PTPRB: variants seen among roughly 807,000 people sequenced by gnomAD.
The protein encoded by PTPRB is receptor-type tyrosine-protein phosphatase beta.
Under a neutral mutation model 238.1 loss-of-function variants are expected in PTPRB, and 97 were observed. That is an observed-to-expected ratio of 0.41 (90% confidence interval 0.35 to 0.48). PTPRB has a LOEUF of 0.48. Among genes scored for constraint, PTPRB ranks in the 20% least tolerant of loss-of-function variants. PTPRB has a pLI of 0.30. For synonymous variants in PTPRB, 970 were observed against 995.4 expected (o/e 0.97, Z 0.48); for missense variants, 2,292 against 2,681.9 (o/e 0.85, Z 3.21).
chr12:70,589,183 TGAG>T lies in PTPRB; in HGVS notation c.2050+778_2050+780del, dbSNP rs1291787492. 3.3e-5 allele frequency among the ~76,000 whole-genome samples: 5 copies of T among 152,176 alleles called. No individual in the cohort carries two copies. In the East Asian group the frequency reaches 7.7e-4, roughly 23 times the overall value. On this transcript the variant is annotated intron_variant, in intron 8 of 33. Transcript: ENST00000334414. ...CCAGTGGATATTAATATTTGGAAGATGAGGAGATTACTGCAAGACACATTGGCA... is the reference window on the plus strand; with the variant it reads ...CCAGTGGATATTAATATTTGGAAGATGAGATTACTGCAAGACACATTGGCA...
At chr12:70,549,740 T>C (rs1230179584) in intron 21 of PTPRB, among the ~76,000 whole-genome samples, 1 of 152,208 alleles carries the variant, frequency 6.6e-6, no homozygotes. Context: ...TTCTCTGATG[T>C]GCTTTGGGAG....
intron 26 of PTPRB, 144 bp from the exon 27 acceptor site, chr12:70,539,158 C>G: frequency 1.5e-6 from 1 of 679,466 alleles, no homozygotes; most frequent in Non-Finnish European, 2.6e-6. Flanking sequence ...TGCATTAGCC[C>G]TGATCCCCAC....
At chr12:70,554,838 T>A (rs575150813) in intron 20 of PTPRB, among the ~76,000 whole-genome samples, 1 of 152,316 alleles carries the variant, frequency 6.6e-6, no homozygotes, top group African/African-American at 2.4e-5. Flanking sequence ...AATAAGGCAT[T>A]ACATGCAATG....
chr12:70,540,103 G>A, intron 23 of PTPRB, 81 bp from the exon 24 acceptor site: 1 of 1,204,190 alleles, frequency 8.3e-7, no homozygotes. Context: ...TAAGGCTGTG[G>A]ATGTTTGTGC....
intron 32 of PTPRB, among the ~76,000 whole-genome samples, chr12:70,529,649 ATAATAAT>A (rs1365643274): frequency 6.6e-6 from 1 of 152,078 alleles, no homozygotes; most frequent in Non-Finnish European, 1.5e-5. Context: ...AATAAGAAGG[ATAATAAT>A]TAATAATTAT....
chr12:70,536,201 C>T (rs1253655773), intron 28 of PTPRB, 42 bp from the exon 29 acceptor site: 6 of 1,584,078 alleles, frequency 3.8e-6, no homozygotes, highest in Non-Finnish European at 5.2e-6. Context: ...AACAATGGGC[C>T]TCTTCAGAAC....
intron 27 of PTPRB, chr12:70,538,650 C>T (rs1371426221): frequency 1.8e-5 from 9 of 508,600 alleles, no homozygotes; most frequent in Admixed American, 1.6e-4. Flanking sequence ...GCTGTTAACC[C>T]CATTTACTGC....
intron 13 of PTPRB, 159 bp downstream of exon 13, chr12:70,570,867 T>C: frequency 1.2e-6 from 1 of 800,170 alleles, no homozygotes; most frequent in East Asian, 2.7e-5. Context: ...TTTTCATTCA[T>C]CCAGGTTGGA....
intron 27 of PTPRB, 84 bp from the exon 28 acceptor site, chr12:70,538,315 C>G (rs1430567984): frequency 1.7e-5 from 19 of 1,102,252 alleles, no homozygotes; most frequent in South Asian, 3.0e-5. Flanking sequence ...AGCTCTGATC[C>G]CCACAACAGC....
chr12:70,549,969 G>C (rs1205248243), intron 21 of PTPRB, among the ~76,000 whole-genome samples: 1 of 152,230 alleles, frequency 6.6e-6, no homozygotes, highest in Non-Finnish European at 1.5e-5. Context: ...CTTTGTGCCA[G>C]GAACTTGCCA....
intron 4 of PTPRB, among the ~76,000 whole-genome samples, chr12:70,599,395 G>A (rs1883290846): frequency 6.6e-6 from 1 of 152,108 alleles, no homozygotes; most frequent in Non-Finnish European, 1.5e-5. Flanking sequence ...ACAGATGTGT[G>A]CATTTATAGC....
chr12:70,579,695 CAAAAAAA>C (rs35887706), intron 10 of PTPRB, among the ~76,000 whole-genome samples: 2,717 of 91,016 alleles, frequency 0.03, 43 homozygotes, highest in South Asian at 0.11. Flanking sequence ...GACTCCATCT[CAAAAAAA>C]AAAAAAAAAA....
At chr12:70,600,527 G>T (rs1474592776) in intron 4 of PTPRB, among the ~76,000 whole-genome samples, 1 of 152,214 alleles carries the variant, frequency 6.6e-6, no homozygotes, top group East Asian at 1.9e-4. Context: ...CTGTAGCATA[G>T]TCAAAATGAG....
At chr12:70,544,705 G>T in intron 21 of PTPRB, 42 bp from the exon 22 acceptor site, 2 of 1,345,674 alleles carry the variant, frequency 1.5e-6, no homozygotes, top group Non-Finnish European at 2.0e-6. Flanking sequence ...ATTAGTTGTT[G>T]AACACAGTAG....
intron 5 of PTPRB, among the ~76,000 whole-genome samples, chr12:70,595,260 G>T (rs1882894053): frequency 6.6e-6 from 1 of 152,072 alleles, no homozygotes; most frequent in Non-Finnish European, 1.5e-5. Flanking sequence ...AGAACACATG[G>T]ACACAGGGAG....
intron 18 of PTPRB, 121 bp from the exon 19 acceptor site, chr12:70,556,269 A>C: frequency 1.1e-6 from 1 of 902,988 alleles, no homozygotes; most frequent in East Asian, 2.6e-5. Context: ...GCAAATACAG[A>C]GTGTCGTGGC....
At position 70,572,775 on chromosome 12, in the gene PTPRB, T is replaced by TC. The variant is rs1377784572; in HGVS notation, c.2843-689_2843-688insG. ...GGTGATGGAGCAAGACTCCATCTCA[T>TC]AAAAAAAAAAAAAAAAAGAAAAGAA... is the stretch of plus-strand genomic sequence containing the variant. On this transcript the variant is annotated intron_variant, in intron 11 of 33. Transcript: ENST00000334414. 1.9e-4 allele frequency among the ~76,000 whole-genome samples: 18 copies of TC among 93,974 alleles called. 1 individual carries two copies. The highest frequency in any genetic ancestry group is 3.5e-4 in the South Asian group (1 of 2,874). The allele number at this position is 93,974 out of a possible 152,430, so 61.7% of individuals were successfully genotyped here.
Position 70,562,870 on chromosome 12 carries a change from T to C in PTPRB, c.4142A>G (p.Asn1381Ser), listed in dbSNP as rs1425529650. ...TGTTCTACCAAATATGAAAGACTCA[T>C]TAGACAGCTCCCCACTGTGAGTTAC... ...VIVTHSGELS[N>S]ESFIFGRTVP... The change falls in exon 16 of 34, where the codon AAT becomes AGT. Residue 1381 changes from asparagine to serine, a missense_variant. Physicochemically the swap from Asn to Ser is conservative, Grantham distance 46 (BLOSUM62 1). Around this residue, in one of 4 missense-constraint regions of PTPRB, gnomAD observed 683 missense variants for 862.0 expected, o/e 0.79. Coordinates refer to ENST00000334414, the MANE Select transcript of PTPRB (RefSeq NM_001109754.4). The C allele has an allele frequency of 6.2e-7, 1 of 1,613,982 alleles. No individual in the cohort carries two copies. The highest frequency in any genetic ancestry group is 2.2e-5 in the East Asian group (1 of 44,878).
chr12:70,613,170 G>C (rs1884535986), intron 3 of PTPRB, among the ~76,000 whole-genome samples: 1 of 151,980 alleles, frequency 6.6e-6, no homozygotes, highest in Non-Finnish European at 1.5e-5. Context: ...GGATGGATGA[G>C]GGGAGGGCAG....
Sources: gnomAD v4.1 joint callset for allele counts (sites outside exome capture counted in the v4.1 genomes callset) on GRCh38, gnomAD v4.1.1 for gene constraint, gnomAD v4.1.1 regional missense constraint, MANE v1.5 for transcripts, NCBI Gene and HGNC (gene_info 2026-07-23, HGNC 2026-07-21) for gene names.